Variants in STAU2 observed in about 807,000 individuals in gnomAD.
STAU2 encodes double-stranded RNA-binding protein Staufen homolog 2.
A neutral mutation model predicts 65.9 loss-of-function variants in STAU2; 20 were observed. The observed-to-expected ratio is 0.30, with a 90% CI of 0.21 to 0.44. The LOEUF (loss-of-function observed/expected upper bound fraction) is 0.44. STAU2 is among the 20% of genes least tolerant of loss of function. The pLI is 1.00. For missense variants in STAU2, 558 were observed against 683.9 expected, an observed-to-expected ratio of 0.82 and a Z score of 2.05; for synonymous variants, 232 against 233.9, an observed-to-expected ratio of 0.99 and a Z score of 0.07.
chr8:73,449,576 G>A (rs1818682900), intron 13 of STAU2, among the ~76,000 whole-genome samples: 1 of 152,176 alleles, frequency 6.6e-6, no homozygotes, highest in Admixed American at 6.5e-5. Context: ...CATTTCCAGG[G>A]GCACAGATTC....
chr8:73,515,864 T>G (rs557495469), intron 13 of STAU2, among the ~76,000 whole-genome samples: 1 of 142,240 alleles, frequency 7.0e-6, no homozygotes, highest in East Asian at 2.2e-4. Flanking sequence ...ACCTCCACCT[T>G]CCAGGTCTTC....
intron 12 of STAU2, among the ~76,000 whole-genome samples, chr8:73,564,623 C>T (rs1435614193): frequency 6.6e-6 from 1 of 151,750 alleles, no homozygotes; most frequent in Non-Finnish European, 1.5e-5. Flanking sequence ...AGTTTACCTA[C>T]ATAACAAACC....
In STAU2 at chr8:73,595,172, A is replaced by G; in HGVS notation, c.1155T>C (p.Leu385=). 1 of 1,602,474 alleles carries G rather than the reference A, an allele frequency of 6.2e-7. No individual in the cohort carries two copies. The highest frequency in any genetic ancestry group is 8.5e-7 in the Non-Finnish European group (1 of 1,176,148). The change falls in exon 11 of 15, where the codon CTT becomes CTC. Residue 385 remains leucine, a synonymous_variant. Coordinates refer to ENST00000524300, the MANE Select transcript of STAU2 (RefSeq NM_001164380.2). ...YKASTNLQDQ[L]EKTGENKGWS... Reference sequence around the variant, plus strand: ...ATGTAAACTTAACTCTTACCTTCTCAAGTTGATCCTGAAGATTAGTGGATG... The same window carrying G: ...ATGTAAACTTAACTCTTACCTTCTCGAGTTGATCCTGAAGATTAGTGGATG...
chr8:73,547,427 T>A (rs1178545925), intron 13 of STAU2, among the ~76,000 whole-genome samples: 1 of 152,170 alleles, frequency 6.6e-6, no homozygotes, highest in Non-Finnish European at 1.5e-5. Context: ...AGTACAGGTG[T>A]GTGTTATGTT....
At chr8:73,641,935 G>C (rs1012654286) in intron 6 of STAU2, among the ~76,000 whole-genome samples, 3 of 152,066 alleles carry the variant, frequency 2.0e-5, no homozygotes, top group African/African-American at 7.2e-5. Flanking sequence ...GGAACCTCTG[G>C]ATCAAATGTA....
intron 13 of STAU2, among the ~76,000 whole-genome samples, chr8:73,468,162 A>T (rs1164598594): frequency 1.3e-5 from 2 of 152,244 alleles, no homozygotes; most frequent in Non-Finnish European, 2.9e-5. Flanking sequence ...ACACATCTAT[A>T]CTATCTGATC....
intron 3 of STAU2, among the ~76,000 whole-genome samples, chr8:73,731,390 T>C (rs1244452794): frequency 6.6e-6 from 1 of 152,194 alleles, no homozygotes; most frequent in African/African-American, 2.4e-5. Flanking sequence ...TCAGTAGGAC[T>C]GCTGGGCTCT....
chr8:73,713,956 T>C (rs1046281783), intron 3 of STAU2, among the ~76,000 whole-genome samples: 1 of 152,092 alleles, frequency 6.6e-6, no homozygotes, highest in African/African-American at 2.4e-5. Flanking sequence ...CAGGCTGTAG[T>C]GCAAGGGCGC....
intron 3 of STAU2, among the ~76,000 whole-genome samples, chr8:73,736,097 T>A (rs1238860522): frequency 1.3e-5 from 2 of 152,254 alleles, no homozygotes; most frequent in Non-Finnish European, 2.9e-5. Flanking sequence ...TTATTAGTAA[T>A]GTTTTTGATT....
intron 13 of STAU2, among the ~76,000 whole-genome samples, chr8:73,434,582 A>G (rs962101669): frequency 1.3e-5 from 2 of 151,886 alleles, no homozygotes; most frequent in Non-Finnish European, 2.9e-5. Context: ...TATCTCTCTG[A>G]GCCTCTTTTT....
intron 3 of STAU2, among the ~76,000 whole-genome samples, chr8:73,713,995 C>T (rs1328757192): frequency 6.6e-6 from 1 of 152,120 alleles, no homozygotes; most frequent in East Asian, 1.9e-4. Context: ...CCTCCACCTC[C>T]TGGATTCAGG....
intron 13 of STAU2, among the ~76,000 whole-genome samples, chr8:73,530,703 C>T (rs1172535340): frequency 6.6e-6 from 1 of 152,030 alleles, no homozygotes; most frequent in Non-Finnish European, 1.5e-5. Context: ...TATCTGAGAG[C>T]TTATTGAAGG....
chr8:73,505,034 A>C (rs1440399324), intron 13 of STAU2, among the ~76,000 whole-genome samples: 1 of 152,092 alleles, frequency 6.6e-6, no homozygotes, highest in Non-Finnish European at 1.5e-5. Context: ...GACCAAATCT[A>C]TATCTTTATC....
chr8:73,510,491 A>G (rs990654118), intron 13 of STAU2, among the ~76,000 whole-genome samples: 10 of 152,224 alleles, frequency 6.6e-5, no homozygotes, highest in Admixed American at 2.0e-4. Flanking sequence ...ACAAGAACTA[A>G]TTTCAAAATA....
intron 6 of STAU2, among the ~76,000 whole-genome samples, chr8:73,661,382 G>A (rs555213846): frequency 4.0e-5 from 6 of 151,886 alleles, no homozygotes; most frequent in South Asian, 2.1e-4. Context: ...AAAATCTGGC[G>A]CTTTCTTATA....
chr8:73,671,202 A>G (rs896117500), intron 6 of STAU2, among the ~76,000 whole-genome samples: 4 of 152,070 alleles, frequency 2.6e-5, no homozygotes, highest in African/African-American at 9.7e-5. Context: ...AGGCTGAGAG[A>G]GGCGGATAAC....
At chr8:73,667,693 G>A (rs747003823) in intron 6 of STAU2, among the ~76,000 whole-genome samples, 1 of 152,134 alleles carries the variant, frequency 6.6e-6, no homozygotes, top group Non-Finnish European at 1.5e-5. Context: ...AAGTCTATTA[G>A]ACTGCCTGTC....
chr8:73,653,928 T>G (rs1215798077), intron 6 of STAU2: 1 of 439,074 alleles, frequency 2.3e-6, no homozygotes, highest in Non-Finnish European at 4.5e-6. Flanking sequence ...AAGTTTAGAA[T>G]CAAGTTGTAT....
At chr8:73,479,004 G>C (rs1339705693) in intron 13 of STAU2, among the ~76,000 whole-genome samples, 1 of 152,076 alleles carries the variant, frequency 6.6e-6, no homozygotes, top group Non-Finnish European at 1.5e-5. Context: ...AATGTAGAGA[G>C]AAAAGTATAA....
Sources: gnomAD v4.1 joint callset for allele counts (sites outside exome capture counted in the v4.1 genomes callset) on GRCh38, gnomAD v4.1.1 for gene constraint, MANE v1.5 for transcripts, NCBI Gene and HGNC (gene_info 2026-07-23, HGNC 2026-07-21) for gene names.